The following NRG1 variants were observed in gnomAD, a reference collection of about 807,000 sequenced individuals.
The protein encoded by NRG1 is neuregulin 1, also known as pro-neuregulin-1, membrane-bound isoform.
In NRG1, 18 loss-of-function variants were observed where a neutral mutation model predicts 63.8. The observed-to-expected ratio is 0.28, with a 90% CI of 0.19 to 0.42. NRG1 has a LOEUF of 0.42. Among genes scored for constraint, NRG1 ranks in the 10% least tolerant of loss-of-function variants. The probability of loss-of-function intolerance (pLI) is 1.00; values close to 1 mark genes in which losing one functional copy is unlikely to be tolerated. For missense variants in NRG1, 762 were observed against 814.7 expected, an observed-to-expected ratio of 0.94 and a Z score of 0.79; for synonymous variants, 302 against 301.3, an observed-to-expected ratio of 1.00 and a Z score of -0.02.
At chr8:32,757,235 G>C (rs1829844472) in intron 9 of NRG1, among the ~76,000 whole-genome samples, 2 of 152,128 alleles carry the variant, frequency 1.3e-5, no homozygotes, top group Non-Finnish European at 2.9e-5. Flanking sequence ...AGAGTTTGAA[G>C]ATATTATCTT....
chr8:32,691,441 G>A (rs1013454292), intron 5 of NRG1, among the ~76,000 whole-genome samples: 1 of 152,152 alleles, frequency 6.6e-6, no homozygotes, highest in African/African-American at 2.4e-5. Context: ...TTCCCCTATT[G>A]ATAATACCAC....
At chr8:32,006,379 A>G (rs572640996) in intron 1 of NRG1, among the ~76,000 whole-genome samples, 2 of 151,962 alleles carry the variant, frequency 1.3e-5, no homozygotes, top group African/African-American at 4.8e-5. Context: ...ACCACCCCCA[A>G]TTTCACAGGG....
intron 1 of NRG1, among the ~76,000 whole-genome samples, chr8:32,474,598 T>C (rs1427022461): frequency 6.6e-6 from 1 of 151,908 alleles, no homozygotes; most frequent in Non-Finnish European, 1.5e-5. Flanking sequence ...GTTCAAGTGA[T>C]TCTCCTGCCT....
At chr8:32,439,486 A>G (rs1419499729) in intron 1 of NRG1, among the ~76,000 whole-genome samples, 1 of 152,200 alleles carries the variant, frequency 6.6e-6, no homozygotes, top group Admixed American at 6.6e-5. Context: ...CTGAAGAAGT[A>G]AAATAAAATA....
intron 1 of NRG1, among the ~76,000 whole-genome samples, chr8:32,157,049 C>CGTGTGT (rs34725608): frequency 0.03 from 4,255 of 140,928 alleles, 123 homozygotes; most frequent in African/African-American, 0.07. Context: ...AATTAAAACT[C>CGTGTGT]GTGTGTGTGT....
intron 1 of NRG1, among the ~76,000 whole-genome samples, chr8:31,938,446 A>C (rs2129620736): frequency 6.6e-6 from 1 of 152,260 alleles, no homozygotes; most frequent in African/African-American, 2.4e-5. Flanking sequence ...GACATAGTCT[A>C]CCTGAATGAG....
At chr8:31,743,828 T>C (rs2131415439) in intron 1 of NRG1, among the ~76,000 whole-genome samples, 1 of 152,138 alleles carries the variant, frequency 6.6e-6, no homozygotes, top group East Asian at 1.9e-4. Context: ...AATTATTCTT[T>C]ATATGATTTC....
chr8:32,161,925 A>G (rs973662796), intron 1 of NRG1, among the ~76,000 whole-genome samples: 2 of 152,212 alleles, frequency 1.3e-5, no homozygotes, highest in African/African-American at 4.8e-5. Context: ...TTCTGCTCAC[A>G]TTCCATTGGC....
intron 1 of NRG1, among the ~76,000 whole-genome samples, chr8:32,536,889 C>T (rs373292762): frequency 1.6e-5 from 2 of 128,668 alleles, no homozygotes; most frequent in African/African-American, 6.0e-5. Flanking sequence ...CGCCACTGCC[C>T]TCCAGCCTGG....
At position 31,794,707 on chromosome 8, in the gene NRG1, CATTT is replaced by C. The variant is rs1320587159; in HGVS notation, c.37+155279_37+155282del. On this transcript the variant is annotated intron_variant, in intron 1 of 10. Coordinates refer to the NRG1 transcript ENST00000519301. ...TGTCATAGGTAGTGTTAGGTTGTGT[CATTT>C]ATGTAAATACTTATGGAGTAGTAAC... Among the ~76,000 whole-genome samples the C allele has an allele frequency of 3.6e-4, 54 of 151,974 alleles. 1 individual carries two copies. The highest frequency in any genetic ancestry group is 1.1e-3 in the African/African-American group (47 of 41,418).
At chr8:32,536,619 C>A (rs755240202) in intron 1 of NRG1, among the ~76,000 whole-genome samples, 40 of 151,992 alleles carry the variant, frequency 2.6e-4, no homozygotes, top group Non-Finnish European at 5.4e-4. Flanking sequence ...TCTTGGGAGT[C>A]ATCTTAGAAT....
chr8:31,962,651 G>A (rs1246942631), intron 1 of NRG1, among the ~76,000 whole-genome samples: 1 of 152,028 alleles, frequency 6.6e-6, no homozygotes, highest in African/African-American at 2.4e-5. Context: ...CTTGTCTAGG[G>A]AACCAGTTCG....
At chr8:32,773,199 T>C (rs1831914522) in intron 7 of NRG1, among the ~76,000 whole-genome samples, 2 of 152,208 alleles carry the variant, frequency 1.3e-5, no homozygotes, top group Non-Finnish European at 2.9e-5. Context: ...TAGAAAGTTC[T>C]AGGGCAGAGT....
chr8:31,857,291 C>A (rs2129609918), intron 1 of NRG1, among the ~76,000 whole-genome samples: 1 of 152,366 alleles, frequency 6.6e-6, no homozygotes, highest in Non-Finnish European at 1.5e-5. Context: ...CCCTCTGAGC[C>A]AGGTGCGGGA....
At chr8:32,318,866 C>A (rs1801057802) in intron 1 of NRG1, among the ~76,000 whole-genome samples, 1 of 152,096 alleles carries the variant, frequency 6.6e-6, no homozygotes, top group African/African-American at 2.4e-5. Flanking sequence ...CTGTAAACTC[C>A]CTTCTTAGTG....
At chr8:32,748,396 GATAA>G (rs1308303423) in intron 7 of NRG1, among the ~76,000 whole-genome samples, 4 of 146,920 alleles carry the variant, frequency 2.7e-5, no homozygotes, top group African/African-American at 1.0e-4. Context: ...GAGAGAGAGA[GATAA>G]AGGAAGTCCT....
At chr8:32,185,428 C>A (rs990102614) in intron 1 of NRG1, among the ~76,000 whole-genome samples, 2 of 152,182 alleles carry the variant, frequency 1.3e-5, no homozygotes, top group African/African-American at 4.8e-5. Context: ...CATTTTGCCT[C>A]TGTCTCAAAC....
chr8:32,586,862 A>G (rs980992220), intron 1 of NRG1, among the ~76,000 whole-genome samples: 4 of 152,186 alleles, frequency 2.6e-5, no homozygotes, highest in Non-Finnish European at 4.4e-5. Context: ...AAGGGAGCAA[A>G]CCAGCATCTT....
chr8:32,190,248 A>G (rs532690171), intron 1 of NRG1, among the ~76,000 whole-genome samples: 1 of 151,598 alleles, frequency 6.6e-6, no homozygotes, highest in Non-Finnish European at 1.5e-5. Flanking sequence ...TCTCCTCTAG[A>G]TATTTTTTCT....
Sources: gnomAD v4.1 joint callset for allele counts (sites outside exome capture counted in the v4.1 genomes callset) on GRCh38, gnomAD v4.1.1 for gene constraint, MANE v1.5 for transcripts, NCBI Gene and HGNC (gene_info 2026-07-23, HGNC 2026-07-21) for gene names.